The following SPRY3 variants were observed in gnomAD, a reference collection of about 807,000 sequenced individuals.
SPRY3 encodes the protein protein sprouty homolog 3.
A neutral mutation model predicts 20.2 loss-of-function variants in SPRY3; 15 were observed. The ratio of observed to expected loss-of-function variants is 0.74; its 90% CI spans 0.50 to 1.14. SPRY3 has a LOEUF of 1.14. SPRY3 is among the 50% of genes most tolerant of loss of function. The pLI is 0.00. For missense variants in SPRY3, 364 were observed against 363.9 expected, an observed-to-expected ratio of 1.00 and a Z score of 0.00; for synonymous variants, 143 against 136.5, an observed-to-expected ratio of 1.05 and a Z score of -0.33.
chrX:155,716,211 C>CTT (rs2091021354), intron 2 of SPRY3, among the ~76,000 whole-genome samples: 1 of 152,134 alleles, frequency 6.6e-6, no homozygotes, highest in African/African-American at 2.4e-5. Context: ...ATCACTCTGT[C>CTT]TTTAGGTTCA....
Position 155,711,810 on chromosome X carries a change from C to G in SPRY3, c.-282+54785C>G, listed in dbSNP as rs184977410. Among the ~76,000 whole-genome samples, 6 of 149,760 alleles carry G rather than the reference C, an allele frequency of 4.0e-5. No homozygotes were observed. In the East Asian group the frequency reaches 1.2e-3, roughly 29 times the overall value. ...GCATCTTTAGGTTGTTTTTTTGAAG[C>G]TTTTCTTCTTTTTTGTTGTAGGGAC... is the stretch of plus-strand genomic sequence containing the variant. On this transcript the variant is annotated intron_variant, in intron 2 of 3. Transcript: ENST00000675360.
chrX:155,716,835 G>T (rs902944856), intron 2 of SPRY3, among the ~76,000 whole-genome samples: 8 of 151,064 alleles, frequency 5.3e-5, no homozygotes, highest in African/African-American at 1.9e-4. Context: ...TTCAATGTAC[G>T]TTTTTAAGAT....
chrX:155,757,541 A>T (rs1031000448), intron 2 of SPRY3, among the ~76,000 whole-genome samples: 1 of 152,154 alleles, frequency 6.6e-6, no homozygotes, highest in Non-Finnish European at 1.5e-5. Context: ...TCTGAGCCAG[A>T]GATGTAGATT....
At chrX:155,706,866 G>A (rs1209185705) in intron 2 of SPRY3, among the ~76,000 whole-genome samples, 7 of 150,966 alleles carry the variant, frequency 4.6e-5, no homozygotes, top group African/African-American at 1.2e-4. Context: ...AAAGAACACC[G>A]TAGGCCCATA....
chrX:155,705,934 G>A (rs1345305001), intron 2 of SPRY3, among the ~76,000 whole-genome samples: 8 of 151,254 alleles, frequency 5.3e-5, no homozygotes, highest in Non-Finnish European at 1.0e-4. Flanking sequence ...TGAACACTTC[G>A]ACAATTCTGT....
At chrX:155,777,633 G>T (rs1456728661), downstream of SPRY3, 3 of 153,598 alleles carry the variant, frequency 2.0e-5, no homozygotes, top group Non-Finnish European at 4.5e-5. Flanking sequence ...TCCCTTCTGT[G>T]ATTATATATA....
intron 2 of SPRY3, among the ~76,000 whole-genome samples, chrX:155,721,127 A>C (rs1229484245): frequency 3.3e-5 from 5 of 152,320 alleles, no homozygotes; most frequent in African/African-American, 1.2e-4. Flanking sequence ...GAAATTCTGG[A>C]GCTGAAAAAT....
At chrX:155,686,314 G>A (rs672932) in intron 2 of SPRY3, among the ~76,000 whole-genome samples, 37,872 of 110,201 alleles carry the variant, frequency 0.34, 5,745 homozygotes, top group African/African-American at 0.58. Context: ...TACGCCAGCT[G>A]GTTTTTGGTT....
exon 2 of SPRY3, chrX:155,782,269 C>T (rs1434019620): frequency 3.6e-5 from 6 of 166,808 alleles, no homozygotes; most frequent in Admixed American, 1.3e-4. Flanking sequence ...TCTAGTACTC[C>T]CAGAATAATC....
intron 2 of SPRY3, among the ~76,000 whole-genome samples, chrX:155,728,920 TA>T (rs1446695659): frequency 6.6e-6 from 1 of 152,050 alleles, no homozygotes; most frequent in African/African-American, 2.4e-5. Context: ...CAGAAGTAGC[TA>T]TACATATACA....
chrX:155,770,262 A>G (rs1338886479), intron 3 of SPRY3, among the ~76,000 whole-genome samples: 14 of 152,186 alleles, frequency 9.2e-5, no homozygotes, highest in Admixed American at 9.2e-4. Context: ...GTTAGCATAG[A>G]AGGGCTTTAG....
At chrX:155,704,614 T>C (rs2090936264) in intron 2 of SPRY3, among the ~76,000 whole-genome samples, 1 of 151,582 alleles carries the variant, frequency 6.6e-6, no homozygotes, top group African/African-American at 2.4e-5. Flanking sequence ...TTTTAAAAAA[T>C]AATGACTGAG....
At chrX:155,777,273 G>A (rs982491761), downstream of SPRY3, 5 of 166,790 alleles carry the variant, frequency 3.0e-5, no homozygotes, top group African/African-American at 1.2e-4. Context: ...TTATTCTATG[G>A]ATGTTTGCTT....
At chrX:155,649,410 G>A (rs1421954867) in intron 1 of SPRY3, among the ~76,000 whole-genome samples, 1 of 111,372 alleles carries the variant, frequency 9.0e-6, no homozygotes, top group Non-Finnish European at 1.9e-5. Context: ...ATGTCAAAAA[G>A]CTTATCCACC....
chrX:155,660,301 T>C (rs782562118), intron 2 of SPRY3, among the ~76,000 whole-genome samples: 2 of 112,252 alleles, frequency 1.8e-5, no homozygotes, highest in Admixed American at 9.4e-5. Context: ...CAGGAGCAGA[T>C]TGTTTAATTT....
intron 2 of SPRY3, among the ~76,000 whole-genome samples, chrX:155,736,032 A>G (rs948259742): frequency 1.3e-5 from 2 of 151,998 alleles, no homozygotes; most frequent in African/African-American, 4.8e-5. Context: ...TTTACAACTA[A>G]TCTAAATCTA....
At chrX:155,685,566 C>A (rs2068085167) in intron 2 of SPRY3, among the ~76,000 whole-genome samples, 2 of 103,263 alleles carry the variant, frequency 1.9e-5, no homozygotes, top group African/African-American at 7.1e-5. Context: ...CCCTCTTCCA[C>A]CCTCCACCCT....
At chrX:155,694,464 C>T (rs913459678) in intron 2 of SPRY3, among the ~76,000 whole-genome samples, 2 of 111,344 alleles carry the variant, frequency 1.8e-5, no homozygotes, top group African/African-American at 6.5e-5. Context: ...TGGTCCCAGT[C>T]CTTTTGGCAC....
intron 2 of SPRY3, among the ~76,000 whole-genome samples, chrX:155,756,061 A>G (rs1322694902): frequency 6.6e-6 from 1 of 152,064 alleles, no homozygotes; most frequent in East Asian, 1.9e-4. Context: ...TTTGAAAGGA[A>G]GAGATTGGCT....
Sources: allele counts gnomAD v4.1 joint callset (sites outside exome capture counted in the v4.1 genomes callset), GRCh38; gene constraint gnomAD v4.1.1; transcripts MANE v1.5; gene names NCBI Gene and HGNC (gene_info 2026-07-23, HGNC 2026-07-21).